The following GMEB1 variants were observed in gnomAD, a reference collection of about 807,000 sequenced individuals.
GMEB1 encodes the protein glucocorticoid modulatory element-binding protein 1.
A neutral mutation model predicts 52.4 loss-of-function variants in GMEB1; 6 were observed. The observed-to-expected ratio is 0.11, with a 90% CI of 0.06 to 0.23. The LOEUF (loss-of-function observed/expected upper bound fraction) is 0.23, where lower values mean the gene tolerates loss of function less well. GMEB1 is among the 10% of genes least tolerant of loss of function. GMEB1 has a pLI of 1.00. For missense variants in GMEB1, 486 were observed against 685.6 expected, an observed-to-expected ratio of 0.71 and a Z score of 3.25; for synonymous variants, 255 against 244.9, an observed-to-expected ratio of 1.04 and a Z score of -0.38.
chr1:28,697,334 G>A (rs2124536816), intron 6 of GMEB1, among the ~76,000 whole-genome samples: 1 of 151,678 alleles, frequency 6.6e-6, no homozygotes, highest in South Asian at 2.1e-4. Context: ...TCAGCCTCCT[G>A]AGTAGCTGGG....
At chr1:28,672,498 C>T (rs534805876) in intron 1 of GMEB1, among the ~76,000 whole-genome samples, 1 of 151,782 alleles carries the variant, frequency 6.6e-6, no homozygotes, top group African/African-American at 2.4e-5. Context: ...GCTGGGATTA[C>T]AGGCTTGAGC....
chr1:28,687,348 A>T (rs1669696068), intron 2 of GMEB1, among the ~76,000 whole-genome samples: 1 of 42,782 alleles, frequency 2.3e-5, no homozygotes, highest in African/African-American at 9.2e-5. Flanking sequence ...ACACACACAC[A>T]CACACACACA....
chr1:28,700,513 C>CAA (rs35332797), intron 6 of GMEB1, among the ~76,000 whole-genome samples: 31 of 82,416 alleles, frequency 3.8e-4, no homozygotes, highest in African/African-American at 1.1e-3. Flanking sequence ...GACTCCATCT[C>CAA]AAAAAAAAAA....
In GMEB1 at chr1:28,695,721, G is replaced by A. The variant is rs981128680; in HGVS notation, c.441-1206G>A. Among the ~76,000 whole-genome samples, 26 of 148,586 alleles carry A rather than the reference G, an allele frequency of 1.7e-4. No homozygotes were observed. The East Asian group carries it at 5.3e-3, about 30-fold the overall frequency. ...TGGGAGGCCGAGGCGGGCGGATCAC[G>A]AGGTCAGGAGATCGAGACCATCCCG... On this transcript the variant is annotated intron_variant, in intron 5 of 9. Transcript: ENST00000373816.
intron 1 of GMEB1, among the ~76,000 whole-genome samples, chr1:28,680,875 CT>C (rs1669360778): frequency 6.6e-6 from 1 of 152,070 alleles, no homozygotes; most frequent in African/African-American, 2.4e-5. Context: ...GAAACCCCAT[CT>C]CTACTAAAAA....
intron 5 of GMEB1, among the ~76,000 whole-genome samples, chr1:28,695,938 CAAAAAAAAAAAAAAAAAA>C (rs58978972): frequency 8.5e-4 from 35 of 41,052 alleles, no homozygotes; most frequent in African/African-American, 1.3e-3. Context: ...GACTCCGTCT[CAAAAAAAAAAAAAAAAAA>C]AAAAAAAAAA....
intron 2 of GMEB1, among the ~76,000 whole-genome samples, chr1:28,684,809 A>G (rs576220093): frequency 6.6e-6 from 1 of 152,238 alleles, no homozygotes; most frequent in Non-Finnish European, 1.5e-5. Flanking sequence ...CATGGCACAC[A>G]TATACCCATG....
intron 8 of GMEB1, among the ~76,000 whole-genome samples, chr1:28,707,300 A>G (rs1042705890): frequency 6.6e-6 from 1 of 152,022 alleles, no homozygotes; most frequent in Non-Finnish European, 1.5e-5. Flanking sequence ...GAGATTTAAA[A>G]TTTTAAATCT....
chr1:28,713,798 A>G (rs1386286621), intron 9 of GMEB1, among the ~76,000 whole-genome samples: 3 of 152,192 alleles, frequency 2.0e-5, no homozygotes, highest in Non-Finnish European at 4.4e-5. Context: ...TAATCCCAAC[A>G]CTTTGGGAAG....
rs1032399554 is a variant in GMEB1 at position 28,704,458 on chromosome 1, A to G, written c.868+129A>G. ...CTTAATTTTACAGATAAGGAAACTAAGGCTCATATAAGTTAAGTCACTTGT... is the reference window on the plus strand; with the variant it reads ...CTTAATTTTACAGATAAGGAAACTAGGGCTCATATAAGTTAAGTCACTTGT... On this transcript the variant is annotated intron_variant, in intron 8 of 9. Transcript: ENST00000373816. 1.4e-5 allele frequency: 9 copies of G among 650,448 alleles called. No homozygotes were observed. The Admixed American group carries it at 2.9e-4, about 21-fold the overall frequency. The allele number at this position is 650,448 out of a possible 1,614,324, so 40.3% of individuals were successfully genotyped here.
chr1:28,698,683 A>G (rs1670348718), intron 6 of GMEB1, among the ~76,000 whole-genome samples: 1 of 151,006 alleles, frequency 6.6e-6, no homozygotes, highest in Non-Finnish European at 1.5e-5. Context: ...TCAAAAAAAA[A>G]AAAAAAGAAA....
intron 1 of GMEB1, among the ~76,000 whole-genome samples, chr1:28,679,792 A>C (rs1008958308): frequency 6.6e-6 from 1 of 150,628 alleles, no homozygotes; most frequent in Non-Finnish European, 1.5e-5. Context: ...GCCAGGCATG[A>C]TGGCTCACAC....
At chr1:28,693,509 G>A (rs894661531) in intron 5 of GMEB1, among the ~76,000 whole-genome samples, 9 of 151,316 alleles carry the variant, frequency 5.9e-5, no homozygotes, top group Admixed American at 3.3e-4. Context: ...GAACCACCAC[G>A]CCCAGCCTCT....
chr1:28,710,611 G>A lies in GMEB1; in HGVS notation c.960G>A (p.Gln320=). The A allele has an allele frequency of 6.2e-7, 1 of 1,606,834 alleles. No individual in the cohort carries two copies. Among genetic ancestry groups the A allele is most frequent in the Non-Finnish European group, 8.5e-7 (1 of 1,176,188 alleles). ...VLDNRRNQVE[Q]GEEQFLYTLT... is the part of the protein sequence containing the mutation. The stretch of plus-strand genomic sequence containing the variant: ...ACAACAGAAGGAACCAAGTAGAGCA[G>A]GGAGAAGAACAGTTTCTCTATACTC... Residue 320 remains glutamine (Q), a synonymous_variant, in exon 9 of 10, where the codon CAG becomes CAA. Transcript: ENST00000373816.
rs560236124 is a variant in GMEB1 at position 28,699,555 on chromosome 1, G to A, written c.598+2471G>A. On this transcript the variant is annotated intron_variant, in intron 6 of 9. Coordinates refer to ENST00000373816, the MANE Select transcript of GMEB1 (RefSeq NM_001319674.2). ...AGCAATTCTCCTGCCTCAGCCTCCC[G>A]TGTAGTGAGATTACAGGTGCCCGCC... Among the ~76,000 whole-genome samples the A allele has an allele frequency of 2.8e-4, 43 of 151,716 alleles. 2 individuals are homozygous for A. In the South Asian group the frequency reaches 7.5e-3, roughly 26 times the overall value.
chr1:28,706,509 T>C (rs1336618705), intron 8 of GMEB1, among the ~76,000 whole-genome samples: 1 of 146,290 alleles, frequency 6.8e-6, no homozygotes, highest in Admixed American at 6.9e-5. Flanking sequence ...GAGGCTGAGG[T>C]GGGAGAATCG....
chr1:28,711,986 G>A (rs1396302216), intron 9 of GMEB1, among the ~76,000 whole-genome samples: 2 of 152,238 alleles, frequency 1.3e-5, no homozygotes, highest in African/African-American at 4.8e-5. Flanking sequence ...CCCAGGTTGT[G>A]ACCTGTGCTT....
At position 28,702,402 on chromosome 1, in the gene GMEB1, A is replaced by C. The variant is rs2306476; in HGVS notation, c.599-36A>C. On this transcript the variant is annotated intron_variant, in intron 6 of 9. Transcript: ENST00000373816. ...TAGGATAGCTATAACTTTTTCGTTA[A>C]ATTCACTGTTCTCACCTCTACTGGA... The C allele has an allele frequency of 4.2e-4, 661 of 1,591,586 alleles. 8 individuals carry two copies. In the East Asian group the frequency reaches 8.9e-3, roughly 21 times the overall value.
chr1:28,690,766 A>G lies in GMEB1; in HGVS notation c.211+580A>G, dbSNP rs372600954. ...GAGGCTGAGGCAGGCGGATCACCTG[A>G]GGTCAGGAGTTTGAGACCAGCCTGG... On this transcript the variant is annotated intron_variant, in intron 3 of 9. Transcript: ENST00000373816. Among the ~76,000 whole-genome samples the G allele has an allele frequency of 8.2e-3, 1,253 of 152,210 alleles. 10 individuals carry two copies. The highest frequency in any genetic ancestry group is 0.027 in the African/African-American group (1,108 of 41,520).
Sources: gnomAD v4.1 joint callset for allele counts (sites outside exome capture counted in the v4.1 genomes callset) on GRCh38, gnomAD v4.1.1 for gene constraint, MANE v1.5 for transcripts, NCBI Gene and HGNC (gene_info 2026-07-23, HGNC 2026-07-21) for gene names.